The following RIMBP2 variants were observed in gnomAD, a reference collection of about 807,000 sequenced individuals.
The protein encoded by RIMBP2 is RIMS-binding protein 2.
RIMBP2 carries 48 observed loss-of-function variants against 118.6 expected under a neutral mutation model. The observed-to-expected ratio is 0.40, with a 90% CI of 0.32 to 0.51. The LOEUF (loss-of-function observed/expected upper bound fraction) is 0.51, where lower values mean the gene tolerates loss of function less well. Among genes scored for constraint, RIMBP2 ranks in the 20% least tolerant of loss-of-function variants. The pLI is 0.41. For missense variants in RIMBP2, 1,551 were observed against 1,768.3 expected, an observed-to-expected ratio of 0.88 and a Z score of 2.20; for synonymous variants, 762 against 742.9, an observed-to-expected ratio of 1.03 and a Z score of -0.42.
At chr12:130,441,359 C>T (rs1246313509) in intron 11 of RIMBP2, among the ~76,000 whole-genome samples, 2 of 150,650 alleles carry the variant, frequency 1.3e-5, no homozygotes, top group East Asian at 3.9e-4. Context: ...TGAGATTGCA[C>T]CACTGCACTC....
intron 19 of RIMBP2, among the ~76,000 whole-genome samples, chr12:130,411,090 A>G (rs1168873345): frequency 6.6e-6 from 1 of 152,184 alleles, no homozygotes; most frequent in Non-Finnish European, 1.5e-5. Flanking sequence ...TAAGTAGTTC[A>G]TGTTTTGTTG....
intron 1 of RIMBP2, among the ~76,000 whole-genome samples, chr12:130,704,348 G>A (rs1003615712): frequency 3.3e-5 from 5 of 152,202 alleles, no homozygotes; most frequent in African/African-American, 1.2e-4. Context: ...GGCCAAAGCA[G>A]GTGGATCACC....
chr12:130,421,691 A>ATGTG (rs35161782), intron 17 of RIMBP2, among the ~76,000 whole-genome samples: 2,247 of 147,276 alleles, frequency 0.015, 34 homozygotes, highest in African/African-American at 0.029. Context: ...CTGCATTTAT[A>ATGTG]TGTGTGTGTG....
At chr12:130,679,724 C>G (rs1428088835) in intron 1 of RIMBP2, among the ~76,000 whole-genome samples, 1 of 152,224 alleles carries the variant, frequency 6.6e-6, no homozygotes, top group African/African-American at 2.4e-5. Context: ...TCCATGTTTT[C>G]TGAAAAAGTA....
rs193219554 is a variant in RIMBP2 at position 130,620,505 on chromosome 12, G to A, written c.-217+7817C>T. Among the ~76,000 whole-genome samples, 2 of 152,334 alleles carry A rather than the reference G, an allele frequency of 1.3e-5. No homozygotes were observed. Among genetic ancestry groups the A allele is most frequent in the East Asian group, 1.9e-4 (1 of 5,168 alleles). On this transcript the variant is annotated intron_variant, in intron 2 of 22. Coordinates refer to ENST00000690449, the MANE Select transcript of RIMBP2 (RefSeq NM_001393629.1). The surrounding 1 kb of genome is among the most constrained non-coding windows in gnomAD (Gnocchi z 5.3). Reference sequence around the variant, plus strand: ...GTGACAAAGTACGACAAGCCAGGAGGCTTGAAGAACAGGCATGCACGGCCC... The same window carrying A: ...GTGACAAAGTACGACAAGCCAGGAGACTTGAAGAACAGGCATGCACGGCCC...
Position 130,424,948 on chromosome 12 carries a change from G to A in RIMBP2, c.2413-90C>T. On this transcript the variant is annotated intron_variant, in intron 15 of 22. Transcript: ENST00000690449. This position sits in a 1 kb window ranked among gnomAD's most constrained non-coding sequence, Gnocchi z 9.8. ...CAGGGGAGGAAAGAAAATACAGACA[G>A]AATTAGTCCTGGAGGCACCGAGGGG... The A allele has an allele frequency of 1.3e-6, 1 of 754,214 alleles. No homozygotes were observed. The highest frequency in any genetic ancestry group is 1.8e-6 in the Non-Finnish European group (1 of 555,714). 46.7% of individuals were successfully genotyped at this position (754,214 alleles called of 1,614,324 possible). A position where few individuals can be genotyped will look rare whatever the true frequency, so the allele number is the denominator to read the frequency against.
intron 1 of RIMBP2, among the ~76,000 whole-genome samples, chr12:130,664,391 A>ACGCACACACACACACG (rs761002155): frequency 1.9e-4 from 22 of 116,504 alleles, no homozygotes; most frequent in Non-Finnish European, 3.6e-4. Flanking sequence ...ACGCGCATGC[A>ACGCACACACACACACG]CACACACGCA....
At chr12:130,531,095 A>G (rs1352092331) in intron 2 of RIMBP2, among the ~76,000 whole-genome samples, 1 of 152,220 alleles carries the variant, frequency 6.6e-6, no homozygotes, top group Non-Finnish European at 1.5e-5. Flanking sequence ...ATCCAAATCT[A>G]TCTTCTGCTC....
chr12:130,427,445 C>A (rs1373630160), intron 15 of RIMBP2: 2 of 152,312 alleles, frequency 1.3e-5, no homozygotes, highest in Non-Finnish European at 2.9e-5. Context: ...ACGCACTGGC[C>A]AGCAACCGCA....
In RIMBP2 at chr12:130,622,260, G is replaced by T. The variant is rs2061363335; in HGVS notation, c.-217+6062C>A. Among the ~76,000 whole-genome samples, 1 of 152,150 alleles carries T rather than the reference G, an allele frequency of 6.6e-6. No individual in the cohort carries two copies. Among genetic ancestry groups the T allele is most frequent in the South Asian group, 2.1e-4 (1 of 4,826 alleles). On this transcript the variant is annotated intron_variant, in intron 2 of 22. Coordinates refer to ENST00000690449, the MANE Select transcript of RIMBP2 (RefSeq NM_001393629.1). The surrounding 1 kb of genome is among the most constrained non-coding windows in gnomAD (Gnocchi z 8.5). ...CGTGAAGCCCCCACAAGGCTGCATAGGAGGTTCCGGGGAACAGAGTCCCCA... is the reference window on the plus strand; with the variant it reads ...CGTGAAGCCCCCACAAGGCTGCATATGAGGTTCCGGGGAACAGAGTCCCCA...
chr12:130,538,175 T>C (rs552914171), intron 2 of RIMBP2, among the ~76,000 whole-genome samples: 2 of 152,218 alleles, frequency 1.3e-5, no homozygotes, highest in Non-Finnish European at 2.9e-5. Flanking sequence ...CCCAAGTTAC[T>C]GAATAGTGTC....
intron 4 of RIMBP2, among the ~76,000 whole-genome samples, chr12:130,496,235 C>T (rs1054613153): frequency 6.6e-6 from 1 of 152,166 alleles, no homozygotes; most frequent in Non-Finnish European, 1.5e-5. Flanking sequence ...ATAAATCTCA[C>T]AAGATCTGAA....
chr12:130,440,634 C>T (rs2078042499), intron 11 of RIMBP2, among the ~76,000 whole-genome samples: 1 of 152,194 alleles, frequency 6.6e-6, no homozygotes. Flanking sequence ...CAGAAGGCAT[C>T]GCGGGAGGCG....
Position 130,688,876 on chromosome 12 carries a change from C to A in RIMBP2, c.-352+27346G>T, listed in dbSNP as rs979297944. Reference sequence around the variant, plus strand: ...AACGCTGGCTGAAACGTGGGCCTCACGTTGCCTGAGGCAGCCCACCCCACT... The same window carrying A: ...AACGCTGGCTGAAACGTGGGCCTCAAGTTGCCTGAGGCAGCCCACCCCACT... On this transcript the variant is annotated intron_variant, in intron 1 of 22. Coordinates refer to ENST00000690449, the MANE Select transcript of RIMBP2 (RefSeq NM_001393629.1). The surrounding 1 kb of genome is among the most constrained non-coding windows in gnomAD (Gnocchi z 4.7). Among the ~76,000 whole-genome samples, 2 of 152,234 alleles carry A rather than the reference C, an allele frequency of 1.3e-5. No individual in the cohort carries two copies. The highest frequency in any genetic ancestry group is 2.9e-5 in the Non-Finnish European group (2 of 68,046).
intron 22 of RIMBP2, 26 bp from the exon 23 acceptor site, chr12:130,397,575 T>TTGAG: frequency 2.5e-6 from 1 of 398,872 alleles, no homozygotes; most frequent in East Asian, 3.6e-5. Context: ...TTACAGTTTA[T>TTGAG]TGAGTGTGTG....
chr12:130,483,259 G>C (rs5016982), intron 4 of RIMBP2, among the ~76,000 whole-genome samples: 5,365 of 7,572 alleles, frequency 0.71, 1,965 homozygotes, highest in Middle Eastern at 0.79. Flanking sequence ...ACATGTGTCA[G>C]ATTCTGCAGG....
intron 1 of RIMBP2, among the ~76,000 whole-genome samples, chr12:130,657,648 ATGG>A (rs2063484670): frequency 9.8e-6 from 1 of 102,172 alleles, no homozygotes; most frequent in Non-Finnish European, 2.5e-5. Flanking sequence ...AGGGCAGAGG[ATGG>A]AGCCCCAGCT....
rs548475411 is a variant in RIMBP2 at position 130,590,916 on chromosome 12, C to T, written c.-217+37406G>A. Among the ~76,000 whole-genome samples the T allele has an allele frequency of 5.2e-3, 792 of 152,276 alleles. 3 individuals are homozygous for T. The highest frequency in any genetic ancestry group is 0.018 in the African/African-American group (737 of 41,556). The stretch of plus-strand genomic sequence containing the variant: ...TTGCACACGAACTTCCGTGAGGAAG[C>T]GGATTGTCGCCCCAGAGCAAGTGCA... On this transcript the variant is annotated intron_variant, in intron 2 of 22. Transcript: ENST00000690449.
chr12:130,494,415 G>C (rs922923662), intron 4 of RIMBP2, among the ~76,000 whole-genome samples: 1 of 152,094 alleles, frequency 6.6e-6, no homozygotes, highest in Non-Finnish European at 1.5e-5. Context: ...AAGGCAGGCA[G>C]ATCACCCGAG....
Sources: allele counts gnomAD v4.1 joint callset (sites outside exome capture counted in the v4.1 genomes callset), GRCh38; gene constraint gnomAD v4.1.1; non-coding constraint Gnocchi (gnomAD v3.1); transcripts MANE v1.5; gene names NCBI Gene and HGNC (gene_info 2026-07-23, HGNC 2026-07-21).